Variants in CSMD1 observed in about 807,000 individuals in gnomAD.
CSMD1 encodes the protein CUB and sushi domain-containing protein 1.
CSMD1 carries 213 observed loss-of-function variants against 417.5 expected under a neutral mutation model. The observed-to-expected ratio is 0.51, with a 90% CI of 0.46 to 0.57. The LOEUF (loss-of-function observed/expected upper bound fraction) is 0.57, where lower values mean the gene tolerates loss of function less well. Ranked by LOEUF, CSMD1 falls within the 20% of genes least tolerant of loss-of-function variation. The pLI is 0.00. For missense variants in CSMD1, 6,923 were observed against 4,529.7 expected, an observed-to-expected ratio of 1.53 and a Z score of -15.17; for synonymous variants, 2,862 against 1,736.8, an observed-to-expected ratio of 1.65 and a Z score of -16.11.
chr8:3,939,494 G>C (rs1810732171), intron 5 of CSMD1, among the ~76,000 whole-genome samples: 1 of 152,072 alleles, frequency 6.6e-6, no homozygotes, highest in South Asian at 2.1e-4. Context: ...ATGTGATTCA[G>C]CAATCCCAGT....
intron 2 of CSMD1, among the ~76,000 whole-genome samples, chr8:4,441,262 T>TG (rs1392693307): frequency 2.9e-4 from 37 of 127,214 alleles, no homozygotes; most frequent in Non-Finnish European, 5.9e-4. Context: ...TACACTCAGT[T>TG]TTTTTTTTTT....
intron 10 of CSMD1, among the ~76,000 whole-genome samples, chr8:3,564,276 A>G (rs1799599638): frequency 1.3e-5 from 2 of 151,336 alleles, no homozygotes; most frequent in Non-Finnish European, 2.9e-5. Flanking sequence ...TTTTATTAAG[A>G]AAAAAAAGAA....
chr8:3,643,911 C>A (rs886442950), intron 7 of CSMD1, among the ~76,000 whole-genome samples: 1 of 152,080 alleles, frequency 6.6e-6, no homozygotes, highest in African/African-American at 2.4e-5. Context: ...AAGAGATGAA[C>A]AAAACCTAAA....
intron 12 of CSMD1, among the ~76,000 whole-genome samples, chr8:3,410,961 G>A (rs968367480): frequency 4.6e-5 from 7 of 152,136 alleles, no homozygotes; most frequent in African/African-American, 1.7e-4. Flanking sequence ...TGCCCTGAAG[G>A]AAGATGGCAA....
intron 7 of CSMD1, among the ~76,000 whole-genome samples, chr8:3,689,318 T>A (rs1163467542): frequency 6.6e-6 from 1 of 152,208 alleles, no homozygotes; most frequent in Non-Finnish European, 1.5e-5. Flanking sequence ...CATCTCCAGA[T>A]GATCTAGTTA....
intron 3 of CSMD1, among the ~76,000 whole-genome samples, chr8:4,385,117 G>A (rs1365762067): frequency 6.6e-6 from 1 of 152,084 alleles, no homozygotes; most frequent in Non-Finnish European, 1.5e-5. Context: ...AGAAGAGACG[G>A]TGTTTCACCA....
chr8:4,043,178 G>A (rs1254727224), intron 3 of CSMD1, among the ~76,000 whole-genome samples: 1 of 152,236 alleles, frequency 6.6e-6, no homozygotes, highest in East Asian at 1.9e-4. Context: ...TAACATCACA[G>A]TAGATTATGG....
At chr8:4,135,681 G>C (rs376354494) in intron 3 of CSMD1, among the ~76,000 whole-genome samples, 1 of 152,060 alleles carries the variant, frequency 6.6e-6, no homozygotes, top group Non-Finnish European at 1.5e-5. Flanking sequence ...TGGATATTTT[G>C]CTTATTAGTC....
At chr8:3,581,634 G>A (rs757062414) in intron 9 of CSMD1, among the ~76,000 whole-genome samples, 30 of 152,208 alleles carry the variant, frequency 2.0e-4, no homozygotes, top group Admixed American at 3.3e-4. Context: ...GATGCACCTC[G>A]CTGGAATACC....
At chr8:3,971,642 G>A (rs545692998) in intron 5 of CSMD1, among the ~76,000 whole-genome samples, 6 of 152,248 alleles carry the variant, frequency 3.9e-5, no homozygotes, top group African/African-American at 1.4e-4. Context: ...GGAGTCTCAA[G>A]ACAATCCTGA....
At chr8:3,124,131 C>G (rs1378246602) in intron 41 of CSMD1, among the ~76,000 whole-genome samples, 1 of 151,850 alleles carries the variant, frequency 6.6e-6, no homozygotes, top group Non-Finnish European at 1.5e-5. Flanking sequence ...AAACAATTAT[C>G]CTGTGTGCGT....
chr8:3,217,635 A>G (rs542969628), intron 29 of CSMD1, among the ~76,000 whole-genome samples: 1 of 152,318 alleles, frequency 6.6e-6, no homozygotes. Flanking sequence ...CAAAGGCTCA[A>G]AAGTACTGTT....
At chr8:2,987,470 T>C (rs113559211) in intron 54 of CSMD1, among the ~76,000 whole-genome samples, 4 of 149,772 alleles carry the variant, frequency 2.7e-5, no homozygotes, top group African/African-American at 9.7e-5. Context: ...TCTATATATA[T>C]AAGAAATACA....
chr8:3,626,236 G>T (rs986011877), intron 7 of CSMD1, among the ~76,000 whole-genome samples: 6 of 152,168 alleles, frequency 3.9e-5, no homozygotes, highest in Non-Finnish European at 8.8e-5. Context: ...TTAGCTGGAG[G>T]ACTTAGGGCC....
intron 1 of CSMD1, among the ~76,000 whole-genome samples, chr8:4,856,594 A>T (rs961381184): frequency 1.4e-5 from 2 of 143,936 alleles, no homozygotes; most frequent in South Asian, 2.2e-4. Flanking sequence ...ATGGAAAACA[A>T]AAAAAGGCAG....
rs557267795 is a variant in CSMD1, at chr8:3,775,869, G to C, written c.819-21827C>G. ...GTTACTGACCTAGGATGGGTCCTGA[G>C]ACCTCTCTCCCTTGCGCCACATGTG... On this transcript the variant is annotated intron_variant, in intron 5 of 69. Transcript: ENST00000635120. Among the ~76,000 whole-genome samples the C allele has an allele frequency of 5.3e-5, 8 of 152,298 alleles. No individual in the cohort carries two copies. The South Asian group carries it at 1.7e-3, about 32-fold the overall frequency.
intron 5 of CSMD1, among the ~76,000 whole-genome samples, chr8:3,962,060 G>A (rs553732154): frequency 2.1e-4 from 32 of 152,246 alleles, no homozygotes; most frequent in Admixed American, 1.3e-3. Context: ...GAAGGTGCAC[G>A]GACCATCATT....
At chr8:3,905,327 T>G (rs1047223820) in intron 5 of CSMD1, among the ~76,000 whole-genome samples, 1 of 152,232 alleles carries the variant, frequency 6.6e-6, no homozygotes, top group East Asian at 1.9e-4. Flanking sequence ...GTACCTGATC[T>G]TAAATCCAAC....
Position 4,717,549 on chromosome 8 carries a change from C to CCTGTCTATCTAT in CSMD1, c.86-79992_86-79991insATAGATAGACAG, listed in dbSNP as rs1479361650. ...ACCTATCAATCTGTCTGTCTGTCTA[C>CCTGTCTATCTAT]CTATCTATCTATCTATCCATCCATC... On this transcript the variant is annotated intron_variant, in intron 1 of 69. Transcript: ENST00000635120. Among the ~76,000 whole-genome samples the CCTGTCTATCTAT allele has an allele frequency of 3.4e-3, 512 of 148,858 alleles. 2 individuals are homozygous for CCTGTCTATCTAT. Among genetic ancestry groups the CCTGTCTATCTAT allele is most frequent in the African/African-American group, 0.013 (493 of 39,104 alleles).
Sources: gnomAD v4.1 joint callset for allele counts (sites outside exome capture counted in the v4.1 genomes callset) on GRCh38, gnomAD v4.1.1 for gene constraint, MANE v1.5 for transcripts, NCBI Gene and HGNC (gene_info 2026-07-23, HGNC 2026-07-21) for gene names.